BRINP3: variants seen among roughly 807,000 people sequenced by gnomAD.
BRINP3 encodes BMP/retinoic acid-inducible neural-specific protein 3.
A neutral mutation model predicts 71.0 loss-of-function variants in BRINP3; 19 were observed. That is an observed-to-expected ratio of 0.27 (90% CI 0.19 to 0.39). The LOEUF is 0.39. BRINP3 is among the 10% of genes least tolerant of loss of function. The pLI, the probability that BRINP3 is intolerant of heterozygous loss-of-function variation, is 1.00. For missense variants in BRINP3, 959 were observed against 940.8 expected (o/e 1.02, Z -0.25); for synonymous variants, 380 against 337.7 (o/e 1.13, Z -1.37).
At chr1:190,200,399 T>A (rs1654898361) in intron 6 of BRINP3, among the ~76,000 whole-genome samples, 2 of 152,208 alleles carry the variant, frequency 1.3e-5, no homozygotes, top group African/African-American at 4.8e-5. Flanking sequence ...AACCAATAGA[T>A]CTTAGAGACC....
chr1:190,453,730 T>C (rs1451586147), intron 2 of BRINP3, among the ~76,000 whole-genome samples: 1 of 152,142 alleles, frequency 6.6e-6, no homozygotes, highest in Non-Finnish European at 1.5e-5. Flanking sequence ...TATAAATGAC[T>C]ACAGACAAAC....
Position 190,363,657 on chromosome 1 carries a change from A to G in BRINP3, c.237-81907T>C, listed in dbSNP as rs539240874. 2.6e-5 allele frequency among the ~76,000 whole-genome samples: 4 copies of G among 152,264 alleles called. No homozygotes were observed. The East Asian group carries it at 7.7e-4, about 29-fold the overall frequency. Reference sequence around the variant, plus strand: ...CTGCATTTTAGAGGACAAATACGACAATGTTGCTATTGATCATGTAAGAGG... The same window carrying G: ...CTGCATTTTAGAGGACAAATACGACGATGTTGCTATTGATCATGTAAGAGG... On this transcript the variant is annotated intron_variant, in intron 2 of 7. Transcript: ENST00000367462.
chr1:190,345,682 C>T (rs1409564852), intron 2 of BRINP3, among the ~76,000 whole-genome samples: 3 of 128,288 alleles, frequency 2.3e-5, no homozygotes, highest in South Asian at 2.6e-4. Flanking sequence ...ATTAAATTAC[C>T]GAAATCAACA....
intron 7 of BRINP3, among the ~76,000 whole-genome samples, chr1:190,105,300 T>A (rs1048173220): frequency 4.0e-5 from 6 of 151,552 alleles, no homozygotes; most frequent in Admixed American, 1.3e-4. Context: ...CACACACACA[T>A]ACACACACAC....
intron 6 of BRINP3, among the ~76,000 whole-genome samples, chr1:190,210,102 T>C (rs1655857809): frequency 6.6e-6 from 1 of 152,074 alleles, no homozygotes; most frequent in Non-Finnish European, 1.5e-5. Flanking sequence ...GAGGTTACTG[T>C]AAAAGGTATG....
At chr1:190,288,661 T>C (rs758540662) in intron 2 of BRINP3, among the ~76,000 whole-genome samples, 11 of 152,100 alleles carry the variant, frequency 7.2e-5, no homozygotes, top group Admixed American at 2.6e-4. Context: ...ACAGATAACA[T>C]GGATTACTTC....
intron 2 of BRINP3, among the ~76,000 whole-genome samples, chr1:190,341,805 A>G (rs138356231): frequency 7.3e-4 from 111 of 151,962 alleles, no homozygotes; most frequent in African/African-American, 2.5e-3. Flanking sequence ...CATTATCAGG[A>G]AGCAATACTA....
chr1:190,385,604 G>T (rs1323435356), intron 2 of BRINP3, among the ~76,000 whole-genome samples: 2 of 152,070 alleles, frequency 1.3e-5, no homozygotes, highest in Non-Finnish European at 2.9e-5. Flanking sequence ...AGGATGTGAA[G>T]AAATAGGAAT....
chr1:190,098,283 G>T lies in BRINP3; in HGVS notation c.2036C>A (p.Ala679Glu), dbSNP rs1486612699. ...FGYSMHFDPEAIRDLILQLDY... is the reference protein window; with the variant it reads ...FGYSMHFDPEEIRDLILQLDY... Reference sequence around the variant, plus strand: ...CAGCTGCAAAATCAGGTCCCGAATTGCTTCAGGGTCAAAGTGCATGCTGTA... The same window carrying T: ...CAGCTGCAAAATCAGGTCCCGAATTTCTTCAGGGTCAAAGTGCATGCTGTA... Residue 679 changes from alanine (A) to glutamate (E), a missense_variant, in exon 8 of 8, where the codon GCA becomes GAA. Ala to Glu is a moderately radical substitution (Grantham distance 107). Coordinates refer to ENST00000367462, the MANE Select transcript of BRINP3 (RefSeq NM_199051.3). The T allele has an allele frequency of 1.2e-6, 2 of 1,614,152 alleles. No homozygotes were observed. Among genetic ancestry groups the T allele is most frequent in the East Asian group, 4.5e-5 (2 of 44,878 alleles).
At chr1:190,402,857 G>A (rs752986734) in intron 2 of BRINP3, among the ~76,000 whole-genome samples, 19 of 152,044 alleles carry the variant, frequency 1.2e-4, no homozygotes, top group Admixed American at 2.0e-4. Flanking sequence ...TCAGCCTCCT[G>A]AGGAGCTAGG....
chr1:190,199,685 G>T (rs1167977965), intron 6 of BRINP3, among the ~76,000 whole-genome samples: 1 of 147,674 alleles, frequency 6.8e-6, no homozygotes, highest in Non-Finnish European at 1.5e-5. Context: ...AATTAGCCAA[G>T]ATAGAAGTCA....
intron 2 of BRINP3, among the ~76,000 whole-genome samples, chr1:190,307,651 T>C (rs1250283948): frequency 6.6e-6 from 1 of 151,930 alleles, no homozygotes; most frequent in Non-Finnish European, 1.5e-5. Context: ...TTAATTTTTT[T>C]CAAAGTGTAG....
intron 4 of BRINP3, among the ~76,000 whole-genome samples, chr1:190,243,984 C>A (rs989508263): frequency 6.6e-6 from 1 of 152,070 alleles, no homozygotes; most frequent in East Asian, 1.9e-4. Context: ...TCATCACCCC[C>A]AGATGGGACT....
chr1:190,461,896 C>A (rs1021962019), intron 1 of BRINP3, among the ~76,000 whole-genome samples: 5 of 152,124 alleles, frequency 3.3e-5, no homozygotes, highest in Non-Finnish European at 7.4e-5. Context: ...CAAAGAGTAT[C>A]AAAGCAAAAT....
chr1:190,425,273 A>T (rs1245301296), intron 2 of BRINP3, among the ~76,000 whole-genome samples: 1 of 151,750 alleles, frequency 6.6e-6, no homozygotes, highest in African/African-American at 2.4e-5. Context: ...TAAAAGACAT[A>T]TGAGTTGAAA....
rs147206305 is a variant in BRINP3 at position 190,252,955 on chromosome 1, C to T, written c.618+11910G>A. Among the ~76,000 whole-genome samples the T allele has an allele frequency of 1.4e-4, 21 of 152,126 alleles. No homozygotes were observed. The East Asian group carries it at 4.1e-3, about 29-fold the overall frequency. ...CTGTCCCACACCCCATGACAGACCC[C>T]AGGGTGTGATGTTCCCTGCCCTTTG... On this transcript the variant is annotated intron_variant, in intron 4 of 7. Transcript: ENST00000367462.
chr1:190,328,690 C>A (rs1260972350), intron 2 of BRINP3, among the ~76,000 whole-genome samples: 3 of 150,134 alleles, frequency 2.0e-5, no homozygotes, highest in African/African-American at 7.3e-5. Context: ...CCAGCATTAC[C>A]CTGATATAAA....
At chr1:190,208,519 C>T (rs919927393) in intron 6 of BRINP3, among the ~76,000 whole-genome samples, 3 of 151,972 alleles carry the variant, frequency 2.0e-5, no homozygotes, top group Non-Finnish European at 4.4e-5. Flanking sequence ...TTGAGACAGT[C>T]TCTTGCTCTG....
At chr1:190,348,481 C>T (rs574785009) in intron 2 of BRINP3, among the ~76,000 whole-genome samples, 1 of 152,262 alleles carries the variant, frequency 6.6e-6, no homozygotes, top group East Asian at 1.9e-4. Flanking sequence ...AGCCTCACAA[C>T]TTCTTAAATT....
Sources: gnomAD v4.1 joint callset for allele counts (sites outside exome capture counted in the v4.1 genomes callset) on GRCh38, gnomAD v4.1.1 for gene constraint, MANE v1.5 for transcripts, NCBI Gene and HGNC (gene_info 2026-07-23, HGNC 2026-07-21) for gene names.